The following RMDN3 variants were observed in gnomAD, a reference collection of about 807,000 sequenced individuals.
The protein encoded by RMDN3 is regulator of microtubule dynamics 3.
Under a neutral mutation model 61.8 loss-of-function variants are expected in RMDN3, and 41 were observed. The ratio of observed to expected loss-of-function variants is 0.66; its 90% confidence interval spans 0.52 to 0.86. The LOEUF (loss-of-function observed/expected upper bound fraction) is 0.86. Ranked by LOEUF, RMDN3 falls within the 40% of genes least tolerant of loss-of-function variation. The probability of loss-of-function intolerance (pLI) is 0.00; values close to 1 mark genes in which losing one functional copy is unlikely to be tolerated. For synonymous variants in RMDN3, 247 were observed against 232.0 expected (o/e 1.06, Z -0.59); for missense variants, 557 against 585.3 (o/e 0.95, Z 0.50).
At chr15:40,740,991 G>A (rs542480274) in intron 6 of RMDN3, among the ~76,000 whole-genome samples, 1 of 152,128 alleles carries the variant, frequency 6.6e-6, no homozygotes, top group East Asian at 1.9e-4. Flanking sequence ...GGCTGAGGCA[G>A]GAGAATCACT....
rs752266059 is a variant in RMDN3 at position 40,738,480 on chromosome 15, G to A, written c.1047+21C>T. 4 of 1,612,220 alleles carry A rather than the reference G, an allele frequency of 2.5e-6. No homozygotes were observed. In the South Asian group the frequency reaches 3.3e-5, roughly 13 times the overall value. ...ATCTGGGATAGGCCAGCACAAGGAA[G>A]GAGGAAAAGCCTGTCCTCACCTTGA... On this transcript the variant is annotated intron_variant, in intron 8 of 12. Coordinates refer to ENST00000338376, the MANE Select transcript of RMDN3 (RefSeq NM_018145.3).
chr15:40,738,255 G>C (rs1299169418), intron 8 of RMDN3, among the ~76,000 whole-genome samples: 1 of 152,154 alleles, frequency 6.6e-6, no homozygotes, highest in African/African-American at 2.4e-5. Flanking sequence ...GGGCATGGTG[G>C]TACATGCCTG....
chr15:40,745,916 T>C (rs1170472697), intron 4 of RMDN3, among the ~76,000 whole-genome samples: 2 of 152,084 alleles, frequency 1.3e-5, no homozygotes, highest in Non-Finnish European at 2.9e-5. Flanking sequence ...CAACCAAACC[T>C]AAACCGCAAC....
intron 4 of RMDN3, among the ~76,000 whole-genome samples, chr15:40,749,094 A>G (rs7175905): frequency 0.64 from 97,804 of 151,734 alleles, 32,087 homozygotes; most frequent in East Asian, 0.93. Context: ...AGTAGAGACG[A>G]GGTTTCACCA....
chr15:40,740,659 C>T (rs1203087846), intron 6 of RMDN3, among the ~76,000 whole-genome samples: 1 of 151,910 alleles, frequency 6.6e-6, no homozygotes, highest in Non-Finnish European at 1.5e-5. Context: ...AGGCTGCAAA[C>T]GGCTTCTAAG....
rs1566811539 is a variant in RMDN3, at chr15:40,752,192, C to T, written c.188-14G>A. 2 of 1,607,192 alleles carry T rather than the reference C, an allele frequency of 1.2e-6. No individual in the cohort carries two copies. The highest frequency in any genetic ancestry group is 1.1e-5 in the South Asian group (1 of 90,520). On this transcript the variant is annotated splice_polypyrimidine_tract_variant and intron_variant, in intron 2 of 12. Coordinates refer to ENST00000338376, the MANE Select transcript of RMDN3 (RefSeq NM_018145.3). ...GCAGGAGCATCACTGAAGGGGGAAA[C>T]GAATGGGAGCCAGTGACACACAGGA...
At chr15:40,748,047 ACTCAAGCTGT>A (rs1295991305) in intron 4 of RMDN3, among the ~76,000 whole-genome samples, 1 of 152,112 alleles carries the variant, frequency 6.6e-6, no homozygotes, top group Non-Finnish European at 1.5e-5. Context: ...GACAGAGGGA[ACTCAAGCTGT>A]GTTTGGTACA....
At chr15:40,745,802 T>C (rs1332594644) in intron 4 of RMDN3, among the ~76,000 whole-genome samples, 1 of 152,198 alleles carries the variant, frequency 6.6e-6, no homozygotes, top group Non-Finnish European at 1.5e-5. Flanking sequence ...GTTTTTGCCT[T>C]ATCAGTCAGA....
chr15:40,736,260 T>G lies in RMDN3; in HGVS notation c.*281A>C, dbSNP rs748256673. On this transcript the variant is annotated 3_prime_UTR_variant, in exon 13 of 13. Coordinates refer to ENST00000338376, the MANE Select transcript of RMDN3 (RefSeq NM_018145.3). ...TTGGAAGGTCTCAGGTCTTGCAGGC[T>G]CTACCCATGTGTAATCCTGGGGCAG... 4 of 445,140 alleles carry G rather than the reference T, an allele frequency of 9.0e-6. No homozygotes were observed. Among genetic ancestry groups the G allele is most frequent in the Non-Finnish European group, 1.6e-5 (4 of 252,194 alleles). 27.6% of individuals were successfully genotyped at this position (445,140 alleles called of 1,614,324 possible).
Position 40,747,936 on chromosome 15 carries a change from A to C in RMDN3, c.525-2677T>G, listed in dbSNP as rs1433682026. ...CAACTTAATGAGGTCATAAATGCCCAAGAAGGAGTCTTCACGATGAGGCTG... is the reference window on the plus strand; with the variant it reads ...CAACTTAATGAGGTCATAAATGCCCCAGAAGGAGTCTTCACGATGAGGCTG... On this transcript the variant is annotated intron_variant, in intron 4 of 12. Coordinates refer to ENST00000338376, the MANE Select transcript of RMDN3 (RefSeq NM_018145.3). Among the ~76,000 whole-genome samples, 4 of 152,180 alleles carry C rather than the reference A, an allele frequency of 2.6e-5. No homozygotes were observed. The East Asian group carries it at 7.7e-4, about 29-fold the overall frequency.
At chr15:40,738,662 T>C (rs1322331361) in intron 7 of RMDN3, 86 bp from the exon 8 acceptor site, 3 of 1,321,400 alleles carry the variant, frequency 2.3e-6, no homozygotes, top group Non-Finnish European at 3.3e-6. Flanking sequence ...CTAGTTGCAT[T>C]GTCCCCTATC....
chr15:40,745,884 C>G (rs12372947), intron 4 of RMDN3, among the ~76,000 whole-genome samples: 74,484 of 152,022 alleles, frequency 0.49, 19,147 homozygotes, highest in East Asian at 0.77. Flanking sequence ...TCCACAAACT[C>G]GCAACCTCTG....
In RMDN3 at chr15:40,754,789, A is replaced by G. The variant is rs749477154; in HGVS notation, c.-6T>C. ...AGGGCTCCCAGTCTAGACATGCTGC[A>G]CCTGCGGCCAGCAGAAGTCACCGGG... On this transcript the variant is annotated splice_region_variant and 5_prime_UTR_variant, in exon 2 of 13. Coordinates refer to ENST00000338376, the MANE Select transcript of RMDN3 (RefSeq NM_018145.3). 4.1e-6 allele frequency: 6 copies of G among 1,451,828 alleles called. No individual in the cohort carries two copies. In the Admixed American group the frequency reaches 9.8e-5, roughly 24 times the overall value. The allele number at this position is 1,451,828 out of a possible 1,614,324, so 89.9% of individuals were successfully genotyped here.
chr15:40,744,113 G>T lies in RMDN3; in HGVS notation c.844C>A (p.Arg282=), dbSNP rs759483521. ...AGCTCACACATGTCACTGTAGGCTC[G>T]GGCCAGGCGCCAGAGAAAGTCCTGC... ...SRQDFLWRLA[R]AYSDMCELTE... The change falls in exon 6 of 13, where the codon CGA becomes AGA. Residue 282 remains arginine, a synonymous_variant. Transcript: ENST00000338376. The T allele has an allele frequency of 6.2e-7, 1 of 1,613,550 alleles. No homozygotes were observed. Among genetic ancestry groups the T allele is most frequent in the Non-Finnish European group, 8.5e-7 (1 of 1,180,010 alleles).
At chr15:40,741,339 C>CT (rs1234651660) in intron 6 of RMDN3, among the ~76,000 whole-genome samples, 1 of 151,562 alleles carries the variant, frequency 6.6e-6, no homozygotes, top group African/African-American at 2.4e-5. Context: ...GACCCCATCT[C>CT]TTTAAAAAAA....
In RMDN3 at chr15:40,737,993, T is replaced by C. The variant is rs1357899508; in HGVS notation, c.1097A>G (p.His366Arg). The C allele has an allele frequency of 6.2e-7, 1 of 1,614,220 alleles. No individual in the cohort carries two copies. Among genetic ancestry groups the C allele is most frequent in the Non-Finnish European group, 8.5e-7 (1 of 1,180,030 alleles). The change falls in exon 9 of 13, where the codon CAC becomes CGC. Residue 366 changes from histidine (H) to arginine (R), a missense_variant. Coordinates refer to ENST00000338376, the MANE Select transcript of RMDN3 (RefSeq NM_018145.3). ...ATAGCACCACCTGCCAAGAAGAAAG[T>C]GAGCCATGGGGTTTTCTGGCTGGAG... is the stretch of plus-strand genomic sequence containing the variant. ...IALQPENPMA[H>R]FLLGRWCYQV... is the part of the protein sequence containing the mutation.
intron 6 of RMDN3, 76 bp downstream of exon 6, chr15:40,743,971 G>A (rs900673597): frequency 3.3e-5 from 42 of 1,276,278 alleles, no homozygotes; most frequent in African/African-American, 6.0e-5. Context: ...GTGGTTCCCC[G>A]GGTCCCCAGG....
chr15:40,748,283 A>G (rs1210981336), intron 4 of RMDN3, among the ~76,000 whole-genome samples: 1 of 152,192 alleles, frequency 6.6e-6, no homozygotes, highest in Non-Finnish European at 1.5e-5. Context: ...GTAGACTCCT[A>G]GAGCTCCCCC....
chr15:40,744,922 CAGAG>C (rs1281464109), intron 5 of RMDN3, 51 bp downstream of exon 5: 1 of 1,515,394 alleles, frequency 6.6e-7, no homozygotes, highest in Non-Finnish European at 8.8e-7. Flanking sequence ...GGGTCAGGAA[CAGAG>C]AGATGGAGGG....
Sources: gnomAD v4.1 joint callset for allele counts (sites outside exome capture counted in the v4.1 genomes callset) on GRCh38, gnomAD v4.1.1 for gene constraint, MANE v1.5 for transcripts, NCBI Gene and HGNC (gene_info 2026-07-23, HGNC 2026-07-21) for gene names.